Variants in MCC observed in about 807,000 individuals in gnomAD.
MCC encodes MCC regulator of Wnt signaling pathway.
MCC carries 90 observed loss-of-function variants against 116.2 expected under a neutral mutation model. The observed-to-expected ratio is 0.77, with a 90% CI of 0.65 to 0.92. The LOEUF is 0.92. Among genes scored for constraint, MCC ranks in the 40% least tolerant of loss-of-function variants. The pLI is 0.00. For missense variants in MCC, 1,516 were observed against 1,312.2 expected (o/e 1.16, Z -2.40); for synonymous variants, 578 against 510.5 (o/e 1.13, Z -1.78).
At chr5:113,272,586 T>C (rs943710769) in intron 3 of MCC, among the ~76,000 whole-genome samples, 1 of 152,212 alleles carries the variant, frequency 6.6e-6, no homozygotes, top group Non-Finnish European at 1.5e-5. Flanking sequence ...AATTTCTAAT[T>C]ATCAGGATAC....
chr5:113,027,320 G>C lies in MCC; in HGVS notation c.3042C>G (p.Thr1014=). ...LLEEENSRPH[T]NETSL ...GTGCTGATTAAAGCGAAGTTTCATT[G>C]GTGTGTGGCCTGGAGTTCTCCTCCT... Residue 1014 remains threonine, a synonymous_variant, in exon 19 of 19, where the codon ACC becomes ACG. Transcript: ENST00000408903. 1.2e-6 allele frequency: 2 copies of C among 1,614,148 alleles called. No homozygotes were observed. The highest frequency in any genetic ancestry group is 1.7e-6 in the Non-Finnish European group (2 of 1,179,994).
At chr5:113,108,464 C>G (rs1454610036) in intron 6 of MCC, among the ~76,000 whole-genome samples, 2 of 150,558 alleles carry the variant, frequency 1.3e-5, no homozygotes, top group Non-Finnish European at 2.9e-5. Context: ...ACCAGCCTGA[C>G]CAACATAGTG....
chr5:113,195,899 ATGG>A (rs1762381681), intron 3 of MCC, among the ~76,000 whole-genome samples: 1 of 152,044 alleles, frequency 6.6e-6, no homozygotes, highest in Non-Finnish European at 1.5e-5. Flanking sequence ...CATGTGGGTC[ATGG>A]TGGTCAAGTC....
chr5:113,053,557 C>T (rs565731170), intron 15 of MCC, among the ~76,000 whole-genome samples, 168 bp downstream of exon 15: 1 of 152,148 alleles, frequency 6.6e-6, no homozygotes, highest in Admixed American at 6.5e-5. Context: ...AACACGCAGC[C>T]CAAGTGACCC....
chr5:113,044,201 G>A (rs982558672), intron 16 of MCC, among the ~76,000 whole-genome samples: 2 of 152,190 alleles, frequency 1.3e-5, no homozygotes, highest in African/African-American at 4.8e-5. Flanking sequence ...TTAGATTTAG[G>A]AGCCTTGCTG....
At chr5:113,126,656 G>A (rs530218078) in intron 5 of MCC, among the ~76,000 whole-genome samples, 18 of 152,136 alleles carry the variant, frequency 1.2e-4, no homozygotes, top group Non-Finnish European at 2.5e-4. Flanking sequence ...AAAAGTAATT[G>A]CAGTTTTGCT....
chr5:113,171,134 T>C (rs1761051239), intron 3 of MCC, among the ~76,000 whole-genome samples: 1 of 151,972 alleles, frequency 6.6e-6, no homozygotes, highest in Admixed American at 6.6e-5. Flanking sequence ...CTGAGTCAAG[T>C]TTAGCAGAGT....
intron 1 of MCC, chr5:113,433,296 CCT>C (rs572055044): frequency 1.1e-3 from 277 of 252,062 alleles, no homozygotes; most frequent in Non-Finnish European, 1.7e-3. Context: ...AGCCTGGTCC[CCT>C]GACCCTCAGT....
intron 2 of MCC, among the ~76,000 whole-genome samples, chr5:113,351,976 C>CA (rs1768279526): frequency 6.6e-6 from 1 of 152,176 alleles, no homozygotes; most frequent in Non-Finnish European, 1.5e-5. Flanking sequence ...CTATATTAAT[C>CA]AGCAAGATTT....
chr5:113,449,523 G>C (rs555287851), intron 1 of MCC, among the ~76,000 whole-genome samples: 95 of 152,354 alleles, frequency 6.2e-4, no homozygotes, highest in African/African-American at 2.2e-3. Context: ...TGCCTCAGCG[G>C]AGGCCAGGTA....
chr5:113,284,490 C>T (rs1163704587), intron 3 of MCC, among the ~76,000 whole-genome samples: 1 of 152,084 alleles, frequency 6.6e-6, no homozygotes, highest in Non-Finnish European at 1.5e-5. Flanking sequence ...AAAACACATA[C>T]CTTAATGTAA....
chr5:113,275,353 T>TA (rs1239809220), intron 3 of MCC, among the ~76,000 whole-genome samples: 2 of 152,220 alleles, frequency 1.3e-5, no homozygotes, highest in Non-Finnish European at 2.9e-5. Context: ...CACTTGTAGT[T>TA]AGCAACACAG....
At chr5:113,122,610 C>T in intron 6 of MCC, 74 bp downstream of exon 6, 2 of 1,551,448 alleles carry the variant, frequency 1.3e-6, no homozygotes, top group Non-Finnish European at 1.8e-6. Flanking sequence ...ATTCAGGCTG[C>T]CTCACATTTC....
chr5:113,167,937 T>A (rs539749561), intron 3 of MCC, among the ~76,000 whole-genome samples: 1 of 152,122 alleles, frequency 6.6e-6, no homozygotes, highest in South Asian at 2.1e-4. Flanking sequence ...GTCAATACCA[T>A]CCTTAAAAGA....
At chr5:113,361,269 C>A (rs1768541196) in intron 2 of MCC, among the ~76,000 whole-genome samples, 1 of 150,644 alleles carries the variant, frequency 6.6e-6, no homozygotes. Context: ...AAAAAAAAAA[C>A]CCATCTTCAG....
rs2150215642 is a variant in MCC, at chr5:113,043,624, C to T, written c.2662G>A (p.Ala888Thr). ...GACAGAGCTGGGGAGGCAGCATCAG[C>T]ACACTCCTGACAACAGCAAACACAT... is the stretch of plus-strand genomic sequence containing the variant. ...GSKDKPGKEC[A>T]DAASPALSLA... The change falls in exon 17 of 19, where the codon GCT becomes ACT. Residue 888 changes from alanine (A) to threonine (T), a missense_variant. Physicochemically the swap from Ala to Thr is moderately conservative, Grantham distance 58. Coordinates refer to ENST00000408903, the MANE Select transcript of MCC (RefSeq NM_001085377.2). 3 of 1,612,570 alleles carry T rather than the reference C, an allele frequency of 1.9e-6. No homozygotes were observed. Among genetic ancestry groups the T allele is most frequent in the East Asian group, 2.2e-5 (1 of 44,870 alleles).
intron 3 of MCC, among the ~76,000 whole-genome samples, chr5:113,338,818 A>C (rs1767933778): frequency 6.6e-6 from 1 of 152,226 alleles, no homozygotes; most frequent in Non-Finnish European, 1.5e-5. Context: ...GGATAGTTAG[A>C]GTTCTACTCA....
intron 3 of MCC, among the ~76,000 whole-genome samples, chr5:113,273,528 A>T (rs1053201708): frequency 6.6e-6 from 1 of 152,158 alleles, no homozygotes; most frequent in African/African-American, 2.4e-5. Flanking sequence ...AGTAGCAGAC[A>T]CTCCCAGCCA....
At position 113,434,455 on chromosome 5, in the gene MCC, C is replaced by T. The variant is rs753900877; in HGVS notation, c.171-49243G>A. ...AGGTCCCGGTGGACGACGTCCAGGT[C>T]GTGGCAGTACTTGATGGCCAAGGAA... On this transcript the variant is annotated intron_variant, in intron 1 of 18. Transcript: ENST00000408903. This position sits in a 1 kb window ranked among gnomAD's most constrained non-coding sequence, Gnocchi z 4.2. The T allele has an allele frequency of 1.2e-6, 2 of 1,613,402 alleles. No individual in the cohort carries two copies. The highest frequency in any genetic ancestry group is 1.3e-5 in the African/African-American group (1 of 74,914).
Sources: gnomAD v4.1 joint callset for allele counts (sites outside exome capture counted in the v4.1 genomes callset) on GRCh38, gnomAD v4.1.1 for gene constraint, Gnocchi (gnomAD v3.1) non-coding constraint, MANE v1.5 for transcripts, NCBI Gene and HGNC (gene_info 2026-07-23, HGNC 2026-07-21) for gene names.